The following AKT3 variants were observed in gnomAD, a reference collection of about 807,000 sequenced individuals.
The protein encoded by AKT3 is AKT serine/threonine kinase 3.
A neutral mutation model predicts 65.3 loss-of-function variants in AKT3; 15 were observed. The observed-to-expected ratio is 0.23, with a 90% CI of 0.15 to 0.35. AKT3 has a LOEUF of 0.35. AKT3 is among the 10% of genes least tolerant of loss of function. AKT3 has a pLI of 1.00. For synonymous variants in AKT3, 206 were observed against 183.8 expected (o/e 1.12, Z -0.98); for missense variants, 243 against 576.5 (o/e 0.42, Z 5.92).
chr1:243,696,731 GTCTC>G (rs1411139560), intron 2 of AKT3, among the ~76,000 whole-genome samples: 1 of 151,960 alleles, frequency 6.6e-6, no homozygotes, highest in Non-Finnish European at 1.5e-5. Context: ...GCCATCACAA[GTCTC>G]TCTGATTGAG....
At chr1:243,785,644 A>G (rs1691214519) in intron 2 of AKT3, among the ~76,000 whole-genome samples, 1 of 152,216 alleles carries the variant, frequency 6.6e-6, no homozygotes, top group Non-Finnish European at 1.5e-5. Context: ...CATTACCCAC[A>G]GTCTTCCAGT....
intron 2 of AKT3, among the ~76,000 whole-genome samples, chr1:243,803,975 CA>C (rs1692555234): frequency 6.6e-6 from 1 of 152,208 alleles, no homozygotes; most frequent in Non-Finnish European, 1.5e-5. Flanking sequence ...GCTATAAGCA[CA>C]CAACAGAAGC....
At chr1:243,791,234 AG>A in intron 2 of AKT3, among the ~76,000 whole-genome samples, 1 of 152,242 alleles carries the variant, frequency 6.6e-6, no homozygotes, top group Middle Eastern at 3.4e-3. Context: ...TGTATTGTTT[AG>A]GGGAAAATAA....
chr1:243,766,676 T>C lies in AKT3; in HGVS notation c.47-70960A>G, dbSNP rs371596582. Among the ~76,000 whole-genome samples the C allele has an allele frequency of 6.6e-5, 10 of 152,262 alleles. No homozygotes were observed. The East Asian group carries it at 7.7e-4, about 12-fold the overall frequency. ...TATTATCTTGATTGTGGAGAACACA[T>C]AGACTTTATGGAATCACAGAGATGA... is the stretch of plus-strand genomic sequence containing the variant. On this transcript the variant is annotated intron_variant, in intron 2 of 13. Transcript: ENST00000673466.
At position 243,645,987 on chromosome 1, in the gene AKT3, T is replaced by A; in HGVS notation, c.335A>T (p.Gln112Leu). 6.2e-7 allele frequency: 1 copy of A among 1,613,410 alleles called. No individual in the cohort carries two copies. Among genetic ancestry groups the A allele is most frequent in the Non-Finnish European group, 8.5e-7 (1 of 1,179,500 alleles). The change falls in exon 5 of 14, where the codon CAA (glutamine) becomes CTA (leucine). Residue 112 changes from glutamine (Q) to leucine (L), a missense_variant. This residue lies in a region of AKT3 where 72 missense variants were observed against 86.0 expected (regional missense o/e 0.84). Coordinates refer to ENST00000673466, the MANE Select transcript of AKT3 (RefSeq NM_005465.7). ...IQAVADRLQRQEEERMNCSPT... is the reference protein window; with the variant it reads ...IQAVADRLQRLEEERMNCSPT... ...ACTACAATTCATTCTCTCCTCTTCT[T>A]GCCTCTGCAGTCTGTCTGCTACAGC...
intron 2 of AKT3, among the ~76,000 whole-genome samples, chr1:243,723,857 A>G (rs1176427356): frequency 6.6e-6 from 1 of 152,102 alleles, no homozygotes; most frequent in Non-Finnish European, 1.5e-5. Context: ...GAAGTGGAGG[A>G]TACAGTGAGC....
intron 1 of AKT3, among the ~76,000 whole-genome samples, chr1:243,849,185 G>A (rs1434603181): frequency 6.6e-6 from 1 of 152,186 alleles, no homozygotes; most frequent in African/African-American, 2.4e-5. Context: ...CCGATGCGCC[G>A]GAGGAGGTGG....
intron 13 of AKT3, among the ~76,000 whole-genome samples, chr1:243,493,612 A>C (rs1199116109): frequency 6.6e-6 from 1 of 151,952 alleles, no homozygotes; most frequent in Non-Finnish European, 1.5e-5. Flanking sequence ...CCTCATATGA[A>C]TCACTTACAG....
rs1430430535 is a variant in AKT3 at position 243,505,170 on chromosome 1, G to C, written c.*79C>G. The C allele has an allele frequency of 7.3e-7, 1 of 1,365,854 alleles. No homozygotes were observed. The highest frequency in any genetic ancestry group is 1.0e-6 in the Non-Finnish European group (1 of 963,842). The allele number at this position is 1,365,854 out of a possible 1,614,324, so 84.6% of individuals were successfully genotyped here. On this transcript the variant is annotated 3_prime_UTR_variant, in exon 14 of 14. Coordinates refer to ENST00000673466, the MANE Select transcript of AKT3 (RefSeq NM_005465.7). ...CGGAAGGTGCCCCTGCTATGTGTAA[G>C]AGCTAGGACTGGTGATGTCCAGGAA...
chr1:243,747,730 C>T (rs1223126313), intron 2 of AKT3, among the ~76,000 whole-genome samples: 3 of 152,118 alleles, frequency 2.0e-5, no homozygotes, highest in Non-Finnish European at 4.4e-5. Context: ...TAGAAAACCA[C>T]ATTAAACTTA....
chr1:243,621,559 G>GAC (rs1678754006), intron 6 of AKT3, among the ~76,000 whole-genome samples: 3 of 152,156 alleles, frequency 2.0e-5, no homozygotes. Context: ...GATATATGCT[G>GAC]ACAGACTTCC....
chr1:243,782,879 G>A (rs958092338), intron 2 of AKT3, among the ~76,000 whole-genome samples: 32 of 152,106 alleles, frequency 2.1e-4, no homozygotes, highest in African/African-American at 7.0e-4. Flanking sequence ...TGAGACTCTG[G>A]TAGCTACCCT....
At chr1:243,745,718 G>A (rs2148191724) in intron 2 of AKT3, among the ~76,000 whole-genome samples, 1 of 152,184 alleles carries the variant, frequency 6.6e-6, no homozygotes, top group East Asian at 1.9e-4. Context: ...TCATCGTGTG[G>A]CCCAAGACAA....
chr1:243,497,737 T>A (rs1175999388), downstream of AKT3, among the ~76,000 whole-genome samples: 1 of 152,240 alleles, frequency 6.6e-6, no homozygotes, highest in Non-Finnish European at 1.5e-5. Context: ...GGGTGTGTTC[T>A]CTACCCAAAA....
chr1:243,508,930 C>T (rs570061929), intron 13 of AKT3, among the ~76,000 whole-genome samples: 18 of 152,228 alleles, frequency 1.2e-4, no homozygotes, highest in African/African-American at 4.3e-4. Flanking sequence ...CCTTGGCCTC[C>T]CAAAGTGCTG....
intron 2 of AKT3, among the ~76,000 whole-genome samples, chr1:243,703,760 C>CAAAAAA (rs370671685): frequency 1.3e-3 from 99 of 77,466 alleles, no homozygotes; most frequent in African/African-American, 1.9e-3. Flanking sequence ...GACTCCATCT[C>CAAAAAA]AAAAAAAAAA....
intron 13 of AKT3, chr1:243,489,157 G>C: frequency 6.2e-7 from 1 of 1,610,566 alleles, no homozygotes; most frequent in Non-Finnish European, 8.5e-7. Flanking sequence ...TGCAGAACGC[G>C]GCGCAGGTGG....
intron 12 of AKT3, among the ~76,000 whole-genome samples, chr1:243,528,943 C>T (rs1671336398): frequency 1.3e-5 from 2 of 152,170 alleles, no homozygotes. Context: ...GTTCCCATTT[C>T]TCACAATCTT....
intron 6 of AKT3, among the ~76,000 whole-genome samples, chr1:243,615,849 A>G (rs1175374845): frequency 2.6e-5 from 4 of 152,026 alleles, no homozygotes; most frequent in Non-Finnish European, 1.5e-5. Flanking sequence ...CTCCTGCCTC[A>G]GCCTCCTGAG....
Sources: gnomAD v4.1 joint callset for allele counts (sites outside exome capture counted in the v4.1 genomes callset) on GRCh38, gnomAD v4.1.1 for gene constraint, gnomAD v4.1.1 regional missense constraint, MANE v1.5 for transcripts, NCBI Gene and HGNC (gene_info 2026-07-23, HGNC 2026-07-21) for gene names.